Variants in LMBR1 observed in about 807,000 individuals in gnomAD.
The protein encoded by LMBR1 is limb development membrane protein 1.
In LMBR1, 52 loss-of-function variants were observed where a neutral mutation model predicts 73.9. The ratio of observed to expected loss-of-function variants is 0.70; its 90% CI spans 0.56 to 0.89. LMBR1 has a LOEUF of 0.89. Among genes scored for constraint, LMBR1 ranks in the 40% least tolerant of loss-of-function variants. The pLI is 0.00. For missense variants in LMBR1, 539 were observed against 579.8 expected (o/e 0.93, Z 0.72); for synonymous variants, 215 against 209.4 (o/e 1.03, Z -0.23).
chr7:156,676,440 G>A (rs771521330), downstream of LMBR1: 21 of 1,613,926 alleles, frequency 1.3e-5, no homozygotes, highest in East Asian at 2.2e-5. Flanking sequence ...GGAGACCCAC[G>A]AGTGCTCCAT....
chr7:156,846,955 A>C (rs1452722943), intron 1 of LMBR1, among the ~76,000 whole-genome samples: 1 of 152,176 alleles, frequency 6.6e-6, no homozygotes, highest in South Asian at 2.1e-4. Context: ...TACCCCATAA[A>C]CATACAATTA....
At chr7:156,874,151 G>A (rs928946866) in intron 1 of LMBR1, among the ~76,000 whole-genome samples, 2 of 152,250 alleles carry the variant, frequency 1.3e-5, no homozygotes, top group African/African-American at 2.4e-5. Flanking sequence ...CCCCACCCGC[G>A]GGAAGGCAGC....
intron 15 of LMBR1, among the ~76,000 whole-genome samples, chr7:156,712,581 T>G (rs1478949892): frequency 6.6e-6 from 1 of 152,224 alleles, no homozygotes; most frequent in Non-Finnish European, 1.5e-5. Context: ...ATAGCAGCAC[T>G]GATCACAATA....
At chr7:156,808,155 T>A (rs1450379796) in intron 4 of LMBR1, among the ~76,000 whole-genome samples, 2 of 152,194 alleles carry the variant, frequency 1.3e-5, no homozygotes, top group South Asian at 4.1e-4. Flanking sequence ...AAATCTTCTA[T>A]ATCGTGATTT....
chr7:156,860,930 C>T (rs527682711), intron 1 of LMBR1, among the ~76,000 whole-genome samples: 13 of 152,380 alleles, frequency 8.5e-5, no homozygotes, highest in Non-Finnish European at 8.8e-5. Context: ...CTTCTGTCTG[C>T]TTTCACCAGC....
chr7:156,686,060 G>C (rs868706578), intron 16 of LMBR1, among the ~76,000 whole-genome samples: 29 of 152,318 alleles, frequency 1.9e-4, no homozygotes, highest in Middle Eastern at 3.4e-3. Context: ...TGCTGGAGTT[G>C]AGGAAGTGTG....
rs533793951 is a variant in LMBR1, at chr7:156,789,385, TGTTA to T, written c.423+7000_423+7003del. 5.3e-3 allele frequency among the ~76,000 whole-genome samples: 806 copies of T among 152,352 alleles called. 5 individuals carry two copies. The highest frequency in any genetic ancestry group is 8.4e-3 in the Non-Finnish European group (569 of 68,028). On this transcript the variant is annotated intron_variant, in intron 5 of 16. Coordinates refer to ENST00000353442, the MANE Select transcript of LMBR1 (RefSeq NM_022458.4). The stretch of plus-strand genomic sequence containing the variant: ...ACCAATAAATATTTAAGTCGTATCA[TGTTA>T]GTGACTTAAGTTTTAAAGAAAAGTA...
At chr7:156,719,846 A>C (rs1270112970) in intron 15 of LMBR1, among the ~76,000 whole-genome samples, 2 of 152,178 alleles carry the variant, frequency 1.3e-5, no homozygotes, top group Admixed American at 6.5e-5. Flanking sequence ...CAAAAACAAG[A>C]AATGGGGAAA....
intron 9 of LMBR1, among the ~76,000 whole-genome samples, chr7:156,748,440 G>T (rs2132683393): frequency 6.6e-6 from 1 of 152,026 alleles, no homozygotes; most frequent in African/African-American, 2.4e-5. Flanking sequence ...AGTTGTAGTT[G>T]AGAAAGTAGC....
rs766669976 is a variant in LMBR1, at chr7:156,826,720, G to A, written c.204C>T (p.Leu68=). Residue 68 remains leucine, a synonymous_variant, in exon 4 of 17, where the codon CTC becomes CTT. Coordinates refer to ENST00000353442, the MANE Select transcript of LMBR1 (RefSeq NM_022458.4). ...GCAAAACAGCCCCAGCTGACACTGCGAGAGTGAACGTGCTCAAAAACAACC... is the reference window on the plus strand; with the variant it reads ...GCAAAACAGCCCCAGCTGACACTGCAAGAGTGAACGTGCTCAAAAACAACC... ...RISLFLSTFT[L]AVSAGAVLLL... 4.1e-5 allele frequency: 66 copies of A among 1,610,834 alleles called. No individual in the cohort carries two copies. The highest frequency in any genetic ancestry group is 4.7e-5 in the Non-Finnish European group (55 of 1,178,350).
At chr7:156,700,519 T>C (rs937728686) in intron 15 of LMBR1, among the ~76,000 whole-genome samples, 5 of 152,104 alleles carry the variant, frequency 3.3e-5, no homozygotes, top group Non-Finnish European at 7.4e-5. Flanking sequence ...GTTGTGCACA[T>C]GTACCCTAAA....
chr7:156,694,325 G>A (rs1413417661), intron 15 of LMBR1, among the ~76,000 whole-genome samples: 1 of 152,056 alleles, frequency 6.6e-6, no homozygotes, highest in East Asian at 1.9e-4. Context: ...CAGAGACAGG[G>A]TCTCATTTTG....
intron 4 of LMBR1, among the ~76,000 whole-genome samples, chr7:156,817,404 A>T (rs1834082491): frequency 1.3e-5 from 2 of 152,164 alleles, no homozygotes; most frequent in Non-Finnish European, 2.9e-5. Flanking sequence ...AACAAAGCAT[A>T]AGGCTTAGAA....
intron 9 of LMBR1, among the ~76,000 whole-genome samples, 156 bp downstream of exon 9, chr7:156,756,237 C>T (rs1821846476): frequency 6.6e-6 from 1 of 152,200 alleles, no homozygotes; most frequent in Non-Finnish European, 1.5e-5. Context: ...CAATAACCCT[C>T]TCTTCACCAG....
chr7:156,735,550 T>TTG lies in LMBR1; in HGVS notation c.758-1294_758-1293insCA, dbSNP rs1171503433. Among the ~76,000 whole-genome samples the TTG allele has an allele frequency of 1.8e-4, 27 of 149,390 alleles. No homozygotes were observed. The East Asian group carries it at 2.5e-3, about 14-fold the overall frequency. On this transcript the variant is annotated intron_variant, in intron 9 of 16. Coordinates refer to ENST00000353442, the MANE Select transcript of LMBR1 (RefSeq NM_022458.4). ...TTCTCTCAGTTTTTAAGAGTGGTGT[T>TTG]TTTTTTTTTTTCATTATGCAATTGT...
At chr7:156,856,035 A>T (rs1796916933) in intron 1 of LMBR1, among the ~76,000 whole-genome samples, 1 of 152,106 alleles carries the variant, frequency 6.6e-6, no homozygotes, top group Non-Finnish European at 1.5e-5. Flanking sequence ...CTCTACTAAA[A>T]ATACAAAAAA....
chr7:156,788,959 A>G (rs1308103110), intron 5 of LMBR1, among the ~76,000 whole-genome samples: 1 of 152,132 alleles, frequency 6.6e-6, no homozygotes, highest in Non-Finnish European at 1.5e-5. Context: ...GAGGCAGGAG[A>G]ATCACTTGAA....
chr7:156,762,042 T>G, intron 8 of LMBR1, 92 bp downstream of exon 8: 1 of 725,232 alleles, frequency 1.4e-6, no homozygotes, highest in East Asian at 2.8e-5. Flanking sequence ...ATATTCTTCT[T>G]CTATTTCTAA....
At position 156,682,949 on chromosome 7, in the gene LMBR1, T is replaced by C. The variant is rs1805330711; in HGVS notation, c.*1129A>G. 4 of 152,354 alleles carry C rather than the reference T, an allele frequency of 2.6e-5. No individual in the cohort carries two copies. The highest frequency in any genetic ancestry group is 9.6e-5 in the African/African-American group (4 of 41,588). The allele number at this position is 152,354 out of a possible 1,614,324, so 9.4% of individuals were successfully genotyped here. A position where few individuals can be genotyped will look rare whatever the true frequency, so the allele number is the denominator to read the frequency against. ...ATGGTTGACACAGAGTGCAATTTCA[T>C]AGTTTTTATTCAGTGGACTTAAAGC... On this transcript the variant is annotated 3_prime_UTR_variant, in exon 17 of 17. Transcript: ENST00000353442.
Sources: gnomAD v4.1 joint callset for allele counts (sites outside exome capture counted in the v4.1 genomes callset) on GRCh38, gnomAD v4.1.1 for gene constraint, MANE v1.5 for transcripts, NCBI Gene and HGNC (gene_info 2026-07-23, HGNC 2026-07-21) for gene names.